The following ABCD3 variants were observed in gnomAD, a reference collection of about 807,000 sequenced individuals.
ABCD3 encodes ATP-binding cassette sub-family D member 3.
In ABCD3, 41 loss-of-function variants were observed where a neutral mutation model predicts 105.5. That is an observed-to-expected ratio of 0.39 (90% confidence interval 0.30 to 0.50). ABCD3 has a LOEUF of 0.50. Ranked by LOEUF, ABCD3 falls within the 20% of genes least tolerant of loss-of-function variation. The pLI is 0.84. For synonymous variants in ABCD3, 258 were observed against 269.0 expected, an observed-to-expected ratio of 0.96 and a Z score of 0.40; for missense variants, 622 against 806.3, an observed-to-expected ratio of 0.77 and a Z score of 2.77.
the ABCD3 span, among the ~76,000 whole-genome samples, chr1:94,389,635 C>T: frequency 6.6e-6 from 1 of 152,186 alleles, no homozygotes; most frequent in Non-Finnish European, 1.5e-5. Context: ...TCTGTTCCGG[C>T]CTCTCAGCTC....
chr1:94,497,140 G>T (rs1020730491), intron 16 of ABCD3, among the ~76,000 whole-genome samples: 1 of 151,984 alleles, frequency 6.6e-6, no homozygotes, highest in Non-Finnish European at 1.5e-5. Context: ...CCGCTCCCAA[G>T]TTCCCTTTGT....
chr1:94,453,380 G>A (rs1430478412), intron 1 of ABCD3, among the ~76,000 whole-genome samples: 2 of 149,434 alleles, frequency 1.3e-5, no homozygotes, highest in African/African-American at 2.5e-5. Flanking sequence ...GTGCAGTGGC[G>A]CGATCTCGGC....
In ABCD3 at chr1:94,458,497, AAAG is replaced by A. The variant is rs1270864510; in HGVS notation, c.111-104_111-102del. 5.0e-6 allele frequency: 5 copies of A among 991,692 alleles called. No individual in the cohort carries two copies. The Admixed American group carries it at 7.6e-5, about 15-fold the overall frequency. The allele number at this position is 991,692 out of a possible 1,614,324, so 61.4% of individuals were successfully genotyped here. A position where few individuals can be genotyped will look rare whatever the true frequency, so the allele number is the denominator to read the frequency against. On this transcript the variant is annotated intron_variant, in intron 1 of 22. Transcript: ENST00000370214. ...ATGTTCTATCTCACTATGATGTGAA[AAAG>A]AAGAAACGCTTTTAAATAATTTGGT...
intron 9 of ABCD3, 109 bp downstream of exon 9, chr1:94,480,715 A>G (rs935631789): frequency 1.7e-6 from 2 of 1,154,360 alleles, no homozygotes; most frequent in Non-Finnish European, 2.6e-6. Context: ...AATAATGTGC[A>G]TATTGTGTTG....
intron 16 of ABCD3, among the ~76,000 whole-genome samples, chr1:94,491,671 G>C (rs1445864284): frequency 2.0e-5 from 3 of 152,058 alleles, no homozygotes; most frequent in African/African-American, 7.2e-5. Flanking sequence ...AAAACGGGAA[G>C]AGCCGCACAG....
intron 5 of ABCD3, 122 bp downstream of exon 5, chr1:94,473,957 AGTT>A (rs1648609844): frequency 1.4e-6 from 1 of 721,802 alleles, no homozygotes; most frequent in Non-Finnish European, 2.3e-6. Flanking sequence ...TTTTCAGTTT[AGTT>A]TTGTAATTTA....
intron 1 of ABCD3, among the ~76,000 whole-genome samples, chr1:94,451,474 A>T (rs931334124): frequency 9.2e-5 from 14 of 152,340 alleles, no homozygotes; most frequent in African/African-American, 3.4e-4. Context: ...TTGAGAACAC[A>T]TTCTAAATTT....
intron 1 of ABCD3, among the ~76,000 whole-genome samples, chr1:94,437,085 G>A (rs1462278919): frequency 6.6e-6 from 1 of 152,230 alleles, no homozygotes; most frequent in Non-Finnish European, 1.5e-5. Flanking sequence ...TTTAAGGAAA[G>A]CAGCCATCTC....
At chr1:94,514,975 G>T in intron 21 of ABCD3, 171 bp from the exon 22 acceptor site, 1 of 603,566 alleles carries the variant, frequency 1.7e-6, no homozygotes, top group Non-Finnish European at 3.0e-6. Context: ...TTGATGGCCA[G>T]TACTTTCCAT....
intron 1 of ABCD3, among the ~76,000 whole-genome samples, chr1:94,450,885 A>G (rs1647221320): frequency 6.6e-6 from 1 of 152,214 alleles, no homozygotes; most frequent in South Asian, 2.1e-4. Flanking sequence ...TTTCAAGTCT[A>G]AACATCAATC....
chr1:94,410,737 G>A, the ABCD3 span, among the ~76,000 whole-genome samples: 2 of 152,184 alleles, frequency 1.3e-5, no homozygotes, highest in African/African-American at 4.8e-5. Context: ...TTCAGTCACA[G>A]CTAGTGCACA....
At chr1:94,396,590 A>AGTGTGTGTGT in the ABCD3 span, among the ~76,000 whole-genome samples, 2 of 151,252 alleles carry the variant, frequency 1.3e-5, no homozygotes, top group African/African-American at 4.9e-5. Flanking sequence ...TGTGAATAGA[A>AGTGTGTGTGT]GTGTGTGTGT....
At chr1:94,409,419 G>T in the ABCD3 span, among the ~76,000 whole-genome samples, 2 of 151,836 alleles carry the variant, frequency 1.3e-5, no homozygotes, top group Admixed American at 1.3e-4. Flanking sequence ...TTGTATTTCG[G>T]TCTTTTCTCC....
At chr1:94,461,763 C>T (rs571518873) in intron 2 of ABCD3, among the ~76,000 whole-genome samples, 7 of 151,952 alleles carry the variant, frequency 4.6e-5, no homozygotes, top group South Asian at 4.2e-4. Flanking sequence ...TAAACGAGTA[C>T]GATGTTTTTA....
intron 20 of ABCD3, among the ~76,000 whole-genome samples, chr1:94,500,381 T>C (rs540247507): frequency 3.4e-4 from 51 of 152,188 alleles, no homozygotes; most frequent in African/African-American, 8.9e-4. Context: ...TGAGGCTGCA[T>C]TGGGCTGTGA....
chr1:94,445,079 C>T (rs1026650606), intron 1 of ABCD3, among the ~76,000 whole-genome samples: 1 of 152,190 alleles, frequency 6.6e-6, no homozygotes, highest in Admixed American at 6.5e-5. Context: ...CTTTATTTCC[C>T]GTAAGAAATG....
chr1:94,413,757 C>T (rs1213706289), upstream of ABCD3, among the ~76,000 whole-genome samples: 1 of 152,106 alleles, frequency 6.6e-6, no homozygotes, highest in African/African-American at 2.4e-5. Context: ...GAGGTGTTTA[C>T]CTTTCCAGAG....
the ABCD3 span, among the ~76,000 whole-genome samples, chr1:94,396,590 AGT>A: frequency 0.29 from 43,935 of 151,132 alleles, 6,701 homozygotes; most frequent in South Asian, 0.36. Flanking sequence ...TGTGAATAGA[AGT>A]GTGTGTGTGT....
intron 1 of ABCD3, among the ~76,000 whole-genome samples, chr1:94,420,755 A>C (rs1323365140): frequency 6.6e-6 from 1 of 152,200 alleles, no homozygotes; most frequent in African/African-American, 2.4e-5. Flanking sequence ...TTTGAAGATT[A>C]GAAGATTCTA....
Sources: allele counts gnomAD v4.1 joint callset (sites outside exome capture counted in the v4.1 genomes callset), GRCh38; gene constraint gnomAD v4.1.1; transcripts MANE v1.5; gene names NCBI Gene and HGNC (gene_info 2026-07-23, HGNC 2026-07-21).